The following PHLPP1 variants were observed in gnomAD, a reference collection of about 807,000 sequenced individuals.
PHLPP1 encodes the protein PH domain leucine-rich repeat-containing protein phosphatase 1.
A neutral mutation model predicts 117.2 loss-of-function variants in PHLPP1; 42 were observed. That is an observed-to-expected ratio of 0.36 (90% CI 0.28 to 0.46). PHLPP1 has a LOEUF of 0.46. Ranked by LOEUF, PHLPP1 falls within the 20% of genes least tolerant of loss-of-function variation. The probability of loss-of-function intolerance (pLI) is 1.00; values close to 1 mark genes in which losing one functional copy is unlikely to be tolerated. For synonymous variants in PHLPP1, 1,042 were observed against 970.7 expected, an observed-to-expected ratio of 1.07 and a Z score of -1.37; for missense variants, 2,084 against 2,241.9, an observed-to-expected ratio of 0.93 and a Z score of 1.42.
At position 62,959,994 on chromosome 18, in the gene PHLPP1, A is replaced by G. The variant is rs139471740; in HGVS notation, c.3455+1235A>G. Among the ~76,000 whole-genome samples, 10 of 152,326 alleles carry G rather than the reference A, an allele frequency of 6.6e-5. No individual in the cohort carries two copies. In the East Asian group the frequency reaches 1.7e-3, roughly 26 times the overall value. Reference sequence around the variant, plus strand: ...TCCACACCTATAAGATGAGAAAAAAAATGGCCTACGTGATCTTTAAGGTAC... The same window carrying G: ...TCCACACCTATAAGATGAGAAAAAAGATGGCCTACGTGATCTTTAAGGTAC... On this transcript the variant is annotated intron_variant, in intron 13 of 16. Transcript: ENST00000262719.
At chr18:62,766,538 C>T (rs1912539392) in intron 1 of PHLPP1, among the ~76,000 whole-genome samples, 1 of 152,056 alleles carries the variant, frequency 6.6e-6, no homozygotes, top group Admixed American at 6.5e-5. Context: ...GAGGCCTCTG[C>T]CTGGTGAGCT....
At chr18:62,932,510 A>T (rs1909845501) in intron 10 of PHLPP1, among the ~76,000 whole-genome samples, 1 of 152,220 alleles carries the variant, frequency 6.6e-6, no homozygotes, top group East Asian at 1.9e-4. Context: ...AGAATTAAAA[A>T]CAAAATCTGT....
chr18:62,765,477 A>C (rs745395974), intron 1 of PHLPP1, among the ~76,000 whole-genome samples: 9 of 152,240 alleles, frequency 5.9e-5, no homozygotes, highest in Admixed American at 1.3e-4. Context: ...TATTTGGTGC[A>C]TGCATTGGTA....
At chr18:62,857,519 G>A (rs1376343894) in intron 3 of PHLPP1, among the ~76,000 whole-genome samples, 2 of 152,214 alleles carry the variant, frequency 1.3e-5, no homozygotes, top group East Asian at 3.9e-4. Context: ...AGGACACTCA[G>A]ATTGCTCAGA....
intron 14 of PHLPP1, among the ~76,000 whole-genome samples, chr18:62,964,918 C>T (rs911830188): frequency 1.3e-5 from 2 of 152,128 alleles, no homozygotes; most frequent in Non-Finnish European, 2.9e-5. Context: ...GGCTTTTGGG[C>T]ATAATTCCCC....
chr18:62,976,515 A>C (rs515563), intron 16 of PHLPP1, among the ~76,000 whole-genome samples: 3 of 152,080 alleles, frequency 2.0e-5, no homozygotes, highest in Non-Finnish European at 4.4e-5. Flanking sequence ...ATTTACCTTC[A>C]ATTGTGTTTG....
intron 1 of PHLPP1, among the ~76,000 whole-genome samples, chr18:62,724,489 A>G (rs1437142091): frequency 2.0e-5 from 3 of 152,218 alleles, no homozygotes; most frequent in Non-Finnish European, 2.9e-5. Flanking sequence ...ATTTTTATAG[A>G]TGAGAAAAGT....
intron 10 of PHLPP1, among the ~76,000 whole-genome samples, chr18:62,933,375 T>C (rs1909875804): frequency 1.3e-5 from 2 of 151,898 alleles, no homozygotes; most frequent in African/African-American, 4.8e-5. Context: ...CTGCAAACAC[T>C]GTAGGTAATG....
intron 3 of PHLPP1, among the ~76,000 whole-genome samples, chr18:62,845,987 C>T (rs553489420): frequency 4.6e-5 from 7 of 151,992 alleles, no homozygotes; most frequent in African/African-American, 1.7e-4. Flanking sequence ...CAAGGCAGGT[C>T]AATCACCTGA....
chr18:62,900,578 G>A (rs1916698154), intron 6 of PHLPP1, among the ~76,000 whole-genome samples: 1 of 150,406 alleles, frequency 6.6e-6, no homozygotes, highest in South Asian at 2.1e-4. Context: ...TGATCTTCCT[G>A]CCCCAGCCTC....
intron 14 of PHLPP1, among the ~76,000 whole-genome samples, chr18:62,966,616 G>T (rs1365611612): frequency 1.3e-5 from 2 of 151,720 alleles, no homozygotes; most frequent in African/African-American, 4.8e-5. Context: ...GACCACAGGC[G>T]CCCGCCACCA....
chr18:62,730,114 C>A (rs1911186945), intron 1 of PHLPP1, among the ~76,000 whole-genome samples: 1 of 152,152 alleles, frequency 6.6e-6, no homozygotes, highest in Non-Finnish European at 1.5e-5. Context: ...TTGTAAGTGT[C>A]CCCCTTGATT....
intron 8 of PHLPP1, among the ~76,000 whole-genome samples, chr18:62,912,284 C>A: frequency 7.2e-6 from 1 of 138,134 alleles, no homozygotes; most frequent in Non-Finnish European, 1.6e-5. Context: ...CACATGTACC[C>A]TAAAACTTAG....
At chr18:62,728,846 C>T (rs967800182) in intron 1 of PHLPP1, among the ~76,000 whole-genome samples, 37 of 152,078 alleles carry the variant, frequency 2.4e-4, no homozygotes, top group African/African-American at 8.7e-4. Flanking sequence ...GGCTAACATG[C>T]CTATTGAAAT....
chr18:62,716,073 GTCCGCGGCC>G lies in PHLPP1; in HGVS notation c.391_399del (p.Ser131_Ala133del). 2.0e-6 allele frequency: 3 copies of G among 1,488,872 alleles called. No homozygotes were observed. The highest frequency in any genetic ancestry group is 2.7e-6 in the Non-Finnish European group (3 of 1,128,532). 92.2% of individuals were successfully genotyped at this position (1,488,872 alleles called of 1,614,324 possible). A position where few individuals can be genotyped will look rare whatever the true frequency, so the allele number is the denominator to read the frequency against. ...GGAGAGGGCGGCTGAAGAGGAATCT[GTCCGCGGCC>G]GCCGCGGCCGCCTCCTCGTCGTCGT... On this transcript the variant is annotated inframe_deletion, in exon 1 of 17. Coordinates refer to ENST00000262719, the MANE Select transcript of PHLPP1 (RefSeq NM_194449.4). The surrounding 1 kb of genome is among the most constrained non-coding windows in gnomAD (Gnocchi z 5.7).
intron 3 of PHLPP1, among the ~76,000 whole-genome samples, chr18:62,852,992 T>G (rs1915397794): frequency 2.0e-5 from 3 of 152,120 alleles, no homozygotes; most frequent in Admixed American, 1.3e-4. Flanking sequence ...CCAGCTACAC[T>G]CAGAGGAGGG....
intron 12 of PHLPP1, among the ~76,000 whole-genome samples, chr18:62,957,089 A>G (rs898757705): frequency 1.3e-5 from 2 of 152,182 alleles, no homozygotes; most frequent in Admixed American, 6.5e-5. Flanking sequence ...GAAACTTACA[A>G]TAAGGTACTA....
In PHLPP1 at chr18:62,972,544, C is replaced by G. The variant is rs760812999; in HGVS notation, c.3591C>G (p.Asn1197Lys). 1 of 1,613,202 alleles carries G rather than the reference C, an allele frequency of 6.2e-7. No individual in the cohort carries two copies. The highest frequency in any genetic ancestry group is 1.7e-5 in the Admixed American group (1 of 60,022). ...GTGTCGCAGCCCTGTCGGTGAATAA[C>G]TTCTGTGACAACCGCGAAGCCCTGT... ...KLCVAALSVN[N>K]FCDNREALYG... The change falls in exon 15 of 17, where the codon AAC becomes AAG. Residue 1197 changes from asparagine to lysine, a missense_variant. Asn to Lys is a moderately conservative substitution (Grantham distance 94, BLOSUM62 0). This residue lies in a region of PHLPP1 where 1,365 missense variants were observed against 1,605.9 expected (regional missense o/e 0.85). Transcript: ENST00000262719.
At chr18:62,746,264 C>T (rs1378936226) in intron 1 of PHLPP1, among the ~76,000 whole-genome samples, 4 of 152,080 alleles carry the variant, frequency 2.6e-5, no homozygotes, top group South Asian at 2.1e-4. Flanking sequence ...AGGCTGGTCT[C>T]GAACTCTTGA....
Sources: gnomAD v4.1 joint callset for allele counts (sites outside exome capture counted in the v4.1 genomes callset) on GRCh38, gnomAD v4.1.1 for gene constraint, gnomAD v4.1.1 regional missense constraint, Gnocchi (gnomAD v3.1) non-coding constraint, MANE v1.5 for transcripts, NCBI Gene and HGNC (gene_info 2026-07-23, HGNC 2026-07-21) for gene names.